Variants in FCHSD2 observed in about 807,000 individuals in gnomAD.
FCHSD2 encodes F-BAR and double SH3 domains protein 2.
A neutral mutation model predicts 108.1 loss-of-function variants in FCHSD2; 38 were observed. That is an observed-to-expected ratio of 0.35 (90% CI 0.27 to 0.46). The LOEUF (loss-of-function observed/expected upper bound fraction) is 0.46. Ranked by LOEUF, FCHSD2 falls within the 20% of genes least tolerant of loss-of-function variation. The pLI is 1.00. For synonymous variants in FCHSD2, 279 were observed against 314.7 expected (o/e 0.89, Z 1.20); for missense variants, 751 against 897.8 (o/e 0.84, Z 2.09).
At chr11:72,879,320 A>G (rs1232295233) in intron 12 of FCHSD2, among the ~76,000 whole-genome samples, 2 of 152,174 alleles carry the variant, frequency 1.3e-5, no homozygotes, top group African/African-American at 4.8e-5. Flanking sequence ...AAAACTCAAT[A>G]GTCTTTATAA....
At chr11:72,887,404 T>C (rs2135245500) in intron 12 of FCHSD2, 66 bp downstream of exon 12, 3 of 956,782 alleles carry the variant, frequency 3.1e-6, no homozygotes. Flanking sequence ...GTTTTAAAGA[T>C]GTATATCACA....
chr11:72,857,628 T>C (rs1861460614), intron 13 of FCHSD2, among the ~76,000 whole-genome samples: 1 of 151,260 alleles, frequency 6.6e-6, no homozygotes, highest in Non-Finnish European at 1.5e-5. Flanking sequence ...TTTTTTTTTT[T>C]AGTAGAGACG....
intron 4 of FCHSD2, among the ~76,000 whole-genome samples, chr11:73,005,201 C>T (rs1192911793): frequency 6.6e-6 from 1 of 152,168 alleles, no homozygotes; most frequent in Non-Finnish European, 1.5e-5. Context: ...AGCTGCCACC[C>T]TAATGTCTGC....
In FCHSD2 at chr11:72,868,026, T is replaced by A. The variant is rs1854768567; in HGVS notation, c.1147A>T (p.Ile383Leu). 3 of 1,552,214 alleles carry A rather than the reference T, an allele frequency of 1.9e-6. No individual in the cohort carries two copies. In the East Asian group the frequency reaches 7.1e-5, roughly 37 times the overall value. ...EARENIRKAEIIKLKAEARLD... is the reference protein window; with the variant it reads ...EARENIRKAELIKLKAEARLD... The stretch of plus-strand genomic sequence containing the variant: ...CGGGCTTCAGCTTTCAATTTAATTA[T>A]CTAGAGAACCAAGAAAATGGTCGGA... Residue 383 changes from isoleucine to leucine, a missense_variant and splice_region_variant, in exon 13 of 20, where the codon ATA (isoleucine) becomes TTA (leucine). Physicochemically the swap from Ile to Leu is conservative, Grantham distance 5. Coordinates refer to ENST00000409418, the MANE Select transcript of FCHSD2 (RefSeq NM_014824.3).
chr11:73,092,742 A>C (rs1859986506), intron 2 of FCHSD2, among the ~76,000 whole-genome samples: 1 of 152,154 alleles, frequency 6.6e-6, no homozygotes. Flanking sequence ...AAGTTTCTTG[A>C]CTTTGGTCAC....
At chr11:72,910,047 G>T (rs576374900) in intron 9 of FCHSD2, among the ~76,000 whole-genome samples, 1 of 149,862 alleles carries the variant, frequency 6.7e-6, no homozygotes, top group African/African-American at 2.5e-5. Flanking sequence ...CGTCTGGGAA[G>T]TGAGGAGCAC....
At chr11:72,870,074 G>A (rs1051019263) in intron 12 of FCHSD2, among the ~76,000 whole-genome samples, 1 of 152,056 alleles carries the variant, frequency 6.6e-6, no homozygotes, top group Non-Finnish European at 1.5e-5. Context: ...GCGTGCCTGT[G>A]TGCGTGCCAG....
chr11:72,852,617 T>C (rs1019734594), intron 13 of FCHSD2, among the ~76,000 whole-genome samples: 11 of 152,020 alleles, frequency 7.2e-5, no homozygotes, highest in African/African-American at 2.7e-4. Flanking sequence ...TGAGTCAAGA[T>C]TGTGCCAGTG....
intron 14 of FCHSD2, among the ~76,000 whole-genome samples, chr11:72,846,638 T>G (rs937861204): frequency 1.3e-5 from 2 of 152,184 alleles, no homozygotes; most frequent in Admixed American, 6.5e-5. Flanking sequence ...AAATGGTTAT[T>G]AAATACACAC....
chr11:73,021,412 G>A (rs1374362855), intron 3 of FCHSD2, among the ~76,000 whole-genome samples: 2 of 152,066 alleles, frequency 1.3e-5, no homozygotes, highest in Non-Finnish European at 2.9e-5. Flanking sequence ...TTGCAGGGGC[G>A]TGGATGGCGC....
At position 72,967,776 on chromosome 11, in the gene FCHSD2, A is replaced by G. The variant is rs555750349; in HGVS notation, c.705+16312T>C. Reference sequence around the variant, plus strand: ...GTGAGTTTTATGGTATGTGAATTATATCTAATTTTTTTTAAAAAGAAGTGG... The same window carrying G: ...GTGAGTTTTATGGTATGTGAATTATGTCTAATTTTTTTTAAAAAGAAGTGG... On this transcript the variant is annotated intron_variant, in intron 8 of 19. Transcript: ENST00000409418. Among the ~76,000 whole-genome samples the G allele has an allele frequency of 2.0e-5, 3 of 152,268 alleles. No individual in the cohort carries two copies. The South Asian group carries it at 6.2e-4, about 32-fold the overall frequency.
chr11:72,926,067 C>A, intron 8 of FCHSD2, among the ~76,000 whole-genome samples: 1 of 152,198 alleles, frequency 6.6e-6, no homozygotes, highest in East Asian at 1.9e-4. Context: ...TCTCCTGGAG[C>A]CCACTCAGAT....
At chr11:72,883,995 C>T (rs1450612108) in intron 12 of FCHSD2, among the ~76,000 whole-genome samples, 1 of 151,436 alleles carries the variant, frequency 6.6e-6, no homozygotes, top group Non-Finnish European at 1.5e-5. Context: ...AAAAAATACC[C>T]ATTCACCACC....
At chr11:72,981,398 A>T (rs1176974475) in intron 8 of FCHSD2, among the ~76,000 whole-genome samples, 1 of 152,134 alleles carries the variant, frequency 6.6e-6, no homozygotes, top group Non-Finnish European at 1.5e-5. Context: ...AGATCCCCCA[A>T]ATAAGAATGT....
chr11:73,069,310 CAAAAAAAAAA>C (rs369961395), intron 3 of FCHSD2, among the ~76,000 whole-genome samples: 4 of 45,994 alleles, frequency 8.7e-5, no homozygotes, highest in African/African-American at 1.7e-4. Flanking sequence ...AACTCTGTCT[CAAAAAAAAAA>C]AAAAAAAAAA....
intron 3 of FCHSD2, among the ~76,000 whole-genome samples, chr11:73,076,628 T>C (rs1360962748): frequency 6.6e-6 from 1 of 152,220 alleles, no homozygotes; most frequent in Non-Finnish European, 1.5e-5. Context: ...TGGCATAACT[T>C]TGTATGTTTG....
intron 8 of FCHSD2, among the ~76,000 whole-genome samples, chr11:72,966,560 A>G (rs773861981): frequency 5.3e-5 from 8 of 152,188 alleles, no homozygotes; most frequent in Non-Finnish European, 1.0e-4. Flanking sequence ...AGCTCCCTGC[A>G]AAGAGACTGG....
intron 7 of FCHSD2, 91 bp from the exon 8 acceptor site, chr11:72,984,307 T>C: frequency 8.2e-7 from 1 of 1,214,844 alleles, no homozygotes; most frequent in Middle Eastern, 1.9e-4. Flanking sequence ...AATTAATGGC[T>C]CCCCAACAAG....
intron 4 of FCHSD2, among the ~76,000 whole-genome samples, chr11:73,014,799 C>T (rs1406345347): frequency 3.3e-5 from 5 of 151,896 alleles, no homozygotes; most frequent in South Asian, 2.1e-4. Context: ...AACTCCTGAG[C>T]GTAAAAGATA....
Sources: gnomAD v4.1 joint callset for allele counts (sites outside exome capture counted in the v4.1 genomes callset) on GRCh38, gnomAD v4.1.1 for gene constraint, MANE v1.5 for transcripts, NCBI Gene and HGNC (gene_info 2026-07-23, HGNC 2026-07-21) for gene names.